The following RBM22 variants were observed in gnomAD, a reference collection of about 807,000 sequenced individuals.
The protein encoded by RBM22 is RNA binding motif protein 22, also known as pre-mRNA-splicing factor RBM22.
RBM22 carries 1 observed loss-of-function variant against 50.1 expected under a neutral mutation model. The observed-to-expected ratio is 0.02, with a 90% CI of 0.01 to 0.09. The LOEUF is 0.09. Ranked by LOEUF, RBM22 falls within the 10% of genes least tolerant of loss-of-function variation. RBM22 has a pLI of 1.00. For synonymous variants in RBM22, 152 were observed against 179.0 expected, an observed-to-expected ratio of 0.85 and a Z score of 1.20; for missense variants, 264 against 529.3, an observed-to-expected ratio of 0.50 and a Z score of 4.92.
intron 7 of RBM22, among the ~76,000 whole-genome samples, chr5:150,695,105 C>T (rs1447056482): frequency 1.3e-5 from 2 of 152,232 alleles, no homozygotes; most frequent in Non-Finnish European, 2.9e-5. Context: ...CAGCTCACTG[C>T]AGCCTTGATC....
rs897087992 is a variant in RBM22, at chr5:150,700,542, CCT to C, written c.55-47_55-46del. On this transcript the variant is annotated intron_variant, in intron 1 of 10. Coordinates refer to ENST00000199814, the MANE Select transcript of RBM22 (RefSeq NM_018047.3). ...TGGTTGAGGACCACCCTCCGAAGAC[CCT>C]GACACCTCAGTGACACTTGGGGTGG... The C allele has an allele frequency of 2.5e-6, 4 of 1,613,268 alleles. No individual in the cohort carries two copies. In the African/African-American group the frequency reaches 4.0e-5, roughly 16 times the overall value.
At chr5:150,699,326 A>T in intron 2 of RBM22, 55 bp from the exon 3 acceptor site, 1 of 1,522,130 alleles carries the variant, frequency 6.6e-7, no homozygotes, top group Non-Finnish European at 8.8e-7. Flanking sequence ...AAAAAGCCAG[A>T]TGTCTACTCT....
At chr5:150,697,798 TA>T (rs35855846) in intron 4 of RBM22, 3,676 of 273,950 alleles carry the variant, frequency 0.013, no homozygotes, top group South Asian at 0.025. Context: ...CACCTATGGT[TA>T]AAAAAAAAAT....
intron 10 of RBM22, 138 bp from the exon 11 acceptor site, chr5:150,692,019 AACTT>A: frequency 1.0e-6 from 1 of 994,312 alleles, no homozygotes; most frequent in Non-Finnish European, 1.4e-6. Context: ...TCAGTTCACA[AACTT>A]ACTTCCACTT....
At position 150,696,544 on chromosome 5, in the gene RBM22, T is replaced by C. The variant is rs752502942; in HGVS notation, c.534A>G (p.Glu178=). 6 of 1,613,076 alleles carry C rather than the reference T, an allele frequency of 3.7e-6. No individual in the cohort carries two copies. The highest frequency in any genetic ancestry group is 1.3e-5 in the African/African-American group (1 of 74,886). The part of the protein sequence containing the change: ...WVKGECKRGE[E]CPYRHEKPTD... ...AGGCTCGCTCTTGCCTGTATGGACA[T>C]TCCTCTCCTCTCTTACACTCTCCTT... The change falls in exon 6 of 11, where the codon GAA becomes GAG. Residue 178 remains glutamate, a synonymous_variant. Coordinates refer to ENST00000199814, the MANE Select transcript of RBM22 (RefSeq NM_018047.3). The surrounding 1 kb of genome is among the most constrained non-coding windows in gnomAD (Gnocchi z 4.3).
chr5:150,695,492 T>TTG lies in RBM22; in HGVS notation c.746+13_746+14insCA. 2 of 1,599,678 alleles carry TTG rather than the reference T, an allele frequency of 1.3e-6. No homozygotes were observed. The highest frequency in any genetic ancestry group is 1.7e-6 in the Non-Finnish European group (2 of 1,168,876). ...TTAAAGGCAAAAATAACTCTCTAAC[T>TTG]TATACCCACAAACCTTAAATCTGTC... On this transcript the variant is annotated intron_variant, in intron 7 of 10. Coordinates refer to ENST00000199814, the MANE Select transcript of RBM22 (RefSeq NM_018047.3).
intron 2 of RBM22, among the ~76,000 whole-genome samples, chr5:150,699,547 G>A (rs924398882): frequency 2.0e-5 from 3 of 152,230 alleles, no homozygotes; most frequent in Non-Finnish European, 2.9e-5. Flanking sequence ...CACTTTGAGA[G>A]GCCAAGGTGG....
At chr5:150,693,136 G>C (rs1191900220) in intron 9 of RBM22, 83 bp downstream of exon 9, 1 of 1,544,178 alleles carries the variant, frequency 6.5e-7, no homozygotes, top group African/African-American at 1.4e-5. Flanking sequence ...GCGGCAACAT[G>C]AACCAGACCT....
At position 150,691,509 on chromosome 5, in the gene RBM22, G is replaced by A. The variant is rs1759208380; in HGVS notation, c.*242C>T. On this transcript the variant is annotated 3_prime_UTR_variant, in exon 11 of 11. Coordinates refer to ENST00000199814, the MANE Select transcript of RBM22 (RefSeq NM_018047.3). ...TCCCCCACACGGGTAAGGGGAACAG[G>A]CGTTCGGTTTTATTAGTCATGTTAC... 1 of 331,998 alleles carries A rather than the reference G, an allele frequency of 3.0e-6. No homozygotes were observed. Among genetic ancestry groups the A allele is most frequent in the South Asian group, 1.3e-4 (1 of 7,562 alleles). The allele number at this position is 331,998 out of a possible 1,614,324, so 20.6% of individuals were successfully genotyped here. A position where few individuals can be genotyped will look rare whatever the true frequency, so the allele number is the denominator to read the frequency against.
At position 150,696,834 on chromosome 5, in the gene RBM22, G is replaced by A. The variant is rs769187224; in HGVS notation, c.329C>T (p.Ser110Leu). 3.1e-6 allele frequency: 5 copies of A among 1,614,144 alleles called. No individual in the cohort carries two copies. In the Admixed American group the frequency reaches 6.7e-5, roughly 22 times the overall value. ...GLSFKDDMPK[S>L]DVNKEYYTQN... ...TGTATAGTACTCTTTGTTGACATCT[G>A]ACTTTGGCATGTCATCTTTAAAAGA... The change falls in exon 5 of 11, where the codon TCA becomes TTA. Residue 110 changes from serine to leucine, a missense_variant. Physicochemically the swap from Ser to Leu is moderately radical, Grantham distance 145 (BLOSUM62 -2). Coordinates refer to ENST00000199814, the MANE Select transcript of RBM22 (RefSeq NM_018047.3). The surrounding 1 kb of genome is among the most constrained non-coding windows in gnomAD (Gnocchi z 4.3).
In RBM22 at chr5:150,691,265, G is replaced by C. The variant is rs991526379; in HGVS notation, c.*486C>G. 13 of 152,338 alleles carry C rather than the reference G, an allele frequency of 8.5e-5. No individual in the cohort carries two copies. The highest frequency in any genetic ancestry group is 3.1e-4 in the African/African-American group (13 of 41,498). The allele number at this position is 152,338 out of a possible 1,614,324, so 9.4% of individuals were successfully genotyped here. On this transcript the variant is annotated 3_prime_UTR_variant, in exon 11 of 11. Transcript: ENST00000199814. ...GCTGGTTTCTACTCATCTTTCGGAG[G>C]GTGTGACTTCAAGAGTTAAATCACA...
At chr5:150,697,816 C>G (rs1759296311) in intron 4 of RBM22, 1 of 265,544 alleles carries the variant, frequency 3.8e-6, no homozygotes, top group African/African-American at 2.3e-5. Flanking sequence ...AAATTACTCC[C>G]AAAAGCAGTT....
At chr5:150,693,844 A>T (rs1399058672) in intron 8 of RBM22, among the ~76,000 whole-genome samples, 1 of 152,222 alleles carries the variant, frequency 6.6e-6, no homozygotes, top group South Asian at 2.1e-4. Flanking sequence ...TCACAAAAAC[A>T]TGAACCTTCA....
At chr5:150,700,579 G>A (rs749675663) in intron 1 of RBM22, 82 bp from the exon 2 acceptor site, 66 of 1,598,942 alleles carry the variant, frequency 4.1e-5, no homozygotes, top group Non-Finnish European at 5.4e-5. Flanking sequence ...GCGAGGGGGC[G>A]GGAAGCGAGG....
In RBM22 at chr5:150,695,577, T is replaced by C. The variant is rs1432964624; in HGVS notation, c.675A>G (p.Pro225=). 1 of 1,613,912 alleles carries C rather than the reference T, an allele frequency of 6.2e-7. No individual in the cohort carries two copies. Among genetic ancestry groups the C allele is most frequent in the African/African-American group, 1.3e-5 (1 of 74,908 alleles). ...GTGTGGTGATAGTTTTATCCTCTGG[T>C]GGGTCCAGCCGAGGCATTGTTGAAG... is the stretch of plus-strand genomic sequence containing the variant. ...KRASTMPRLD[P]PEDKTITTLY... Residue 225 remains proline (P), a synonymous_variant, in exon 7 of 11, where the codon CCA becomes CCG. Coordinates refer to ENST00000199814, the MANE Select transcript of RBM22 (RefSeq NM_018047.3).
At position 150,692,897 on chromosome 5, in the gene RBM22, G is replaced by A. The variant is rs1451723186; in HGVS notation, c.1130C>T (p.Pro377Leu). The change falls in exon 10 of 11, where the codon CCA becomes CTA. Residue 377 changes from proline to leucine, a missense_variant and splice_region_variant. By Grantham distance (98) the Pro-to-Leu change is moderately conservative (BLOSUM62 -3). Around this residue, in one of 7 missense-constraint regions of RBM22, gnomAD observed 106 missense variants for 137.1 expected, o/e 0.77. Coordinates refer to ENST00000199814, the MANE Select transcript of RBM22 (RefSeq NM_018047.3). ...CTAAGAAGGAAGATGGAAGTTACCT[G>A]GGGGTGGGGGTGGAGCAATGCCAGG... ...PPPGIAPPPP[P>L]GFGPHMFHPM... The A allele has an allele frequency of 6.3e-7, 1 of 1,595,640 alleles. No individual in the cohort carries two copies. Among genetic ancestry groups the A allele is most frequent in the South Asian group, 1.1e-5 (1 of 88,430 alleles).
intron 3 of RBM22, 134 bp downstream of exon 3, chr5:150,699,108 T>A (rs1432858226): frequency 4.9e-6 from 6 of 1,228,804 alleles, no homozygotes; most frequent in African/African-American, 3.1e-5. Flanking sequence ...CCAATGAATA[T>A]ATCAGTAATA....
At chr5:150,692,806 G>T in intron 10 of RBM22, 89 bp downstream of exon 10, 5 of 1,364,492 alleles carry the variant, frequency 3.7e-6, no homozygotes, top group Non-Finnish European at 4.0e-6. Context: ...AAACTCACAG[G>T]ATTTGGATGT....
chr5:150,696,884 G>A lies in RBM22; in HGVS notation c.279C>T (p.Pro93=), dbSNP rs771984728. 3.1e-6 allele frequency: 5 copies of A among 1,613,996 alleles called. No individual in the cohort carries two copies. Among genetic ancestry groups the A allele is most frequent in the Non-Finnish European group, 2.5e-6 (3 of 1,179,998 alleles). Residue 93 remains proline, a synonymous_variant, in exon 5 of 11, where the codon CCC becomes CCT. Coordinates refer to ENST00000199814, the MANE Select transcript of RBM22 (RefSeq NM_018047.3). This position sits in a 1 kb window ranked among gnomAD's most constrained non-coding sequence, Gnocchi z 4.3. Reference sequence around the variant, plus strand: ...ACAATCCTGCGTCACGAACCTGGATGGGCAGGCCTGGTACAAAAAAAGAGG... The same window carrying A: ...ACAATCCTGCGTCACGAACCTGGATAGGCAGGCCTGGTACAAAAAAAGAGG... The part of the protein sequence containing the change: ...TCLLDLEYGL[P]IQVRDAGLSF...
Sources: gnomAD v4.1 joint callset for allele counts (sites outside exome capture counted in the v4.1 genomes callset) on GRCh38, gnomAD v4.1.1 for gene constraint, gnomAD v4.1.1 regional missense constraint, Gnocchi (gnomAD v3.1) non-coding constraint, MANE v1.5 for transcripts, NCBI Gene and HGNC (gene_info 2026-07-23, HGNC 2026-07-21) for gene names.